ADARB2: variants seen among roughly 807,000 people sequenced by gnomAD.
The protein encoded by ADARB2 is adenosine deaminase RNA specific B2 (inactive), also known as inactive double-stranded RNA-specific editase B2.
ADARB2 carries 25 observed loss-of-function variants against 62.2 expected under a neutral mutation model. The observed-to-expected ratio is 0.40, with a 90% confidence interval of 0.29 to 0.56. The LOEUF is 0.56. Ranked by LOEUF, ADARB2 falls within the 20% of genes least tolerant of loss-of-function variation. The probability of loss-of-function intolerance (pLI) is 0.43; values close to 1 mark genes in which losing one functional copy is unlikely to be tolerated. For synonymous variants in ADARB2, 572 were observed against 500.8 expected (o/e 1.14, Z -1.90); for missense variants, 1,071 against 1,077.4 (o/e 0.99, Z 0.08).
At chr10:1,690,597 A>G (rs1279638192) in intron 1 of ADARB2, among the ~76,000 whole-genome samples, 11 of 152,066 alleles carry the variant, frequency 7.2e-5, no homozygotes, top group African/African-American at 2.7e-4. Context: ...GGAAGGAGAG[A>G]AAGGCAGATA....
chr10:1,655,654 C>G (rs1588340694), intron 1 of ADARB2, among the ~76,000 whole-genome samples: 2 of 151,228 alleles, frequency 1.3e-5, no homozygotes, highest in Admixed American at 1.3e-4. Context: ...TGGAAAACCA[C>G]ATTAGAAAAA....
intron 3 of ADARB2, among the ~76,000 whole-genome samples, chr10:1,277,313 C>T (rs184641744): frequency 4.9e-4 from 74 of 152,270 alleles, no homozygotes; most frequent in African/African-American, 1.7e-3. Flanking sequence ...TTAATGAATC[C>T]TGGAGCTGGT....
At chr10:1,670,256 G>C (rs570839696) in intron 1 of ADARB2, among the ~76,000 whole-genome samples, 10 of 152,338 alleles carry the variant, frequency 6.6e-5, no homozygotes. Context: ...TAAAGAGATA[G>C]TATTTGGAAG....
chr10:1,544,008 A>C (rs1832478539), intron 1 of ADARB2, among the ~76,000 whole-genome samples: 3 of 28,396 alleles, frequency 1.1e-4, no homozygotes, highest in Admixed American at 6.2e-4. Context: ...CAAAAAAAAA[A>C]AAAAACAAAC....
intron 3 of ADARB2, among the ~76,000 whole-genome samples, chr10:1,283,386 G>A (rs1452593502): frequency 2.6e-5 from 4 of 152,172 alleles, no homozygotes; most frequent in Non-Finnish European, 5.9e-5. Context: ...TAATTAAGGG[G>A]CTGCAATGAT....
At chr10:1,374,821 T>C (rs1760479592) in intron 2 of ADARB2, among the ~76,000 whole-genome samples, 1 of 152,210 alleles carries the variant, frequency 6.6e-6, no homozygotes, top group African/African-American at 2.4e-5. Context: ...CACGCTACAT[T>C]GGAAGAGATA....
intron 1 of ADARB2, among the ~76,000 whole-genome samples, chr10:1,575,947 G>A (rs184389646): frequency 1.5e-4 from 5 of 34,138 alleles, no homozygotes; most frequent in Non-Finnish European, 3.5e-4. Flanking sequence ...AGCACAAAGC[G>A]CATGGGAGGG....
At chr10:1,471,348 A>T (rs1831319708) in intron 1 of ADARB2, among the ~76,000 whole-genome samples, 1 of 151,678 alleles carries the variant, frequency 6.6e-6, no homozygotes, top group Admixed American at 6.6e-5. Flanking sequence ...CTTCAGTTTT[A>T]TTTGGTGGGG....
intron 1 of ADARB2, among the ~76,000 whole-genome samples, chr10:1,623,063 T>C (rs1420984596): frequency 6.6e-6 from 1 of 151,872 alleles, no homozygotes; most frequent in Non-Finnish European, 1.5e-5. Flanking sequence ...TGAGCAGGAG[T>C]TGGAAGGAAG....
intron 1 of ADARB2, among the ~76,000 whole-genome samples, chr10:1,469,052 C>A (rs565285991): frequency 6.6e-6 from 1 of 152,204 alleles, no homozygotes; most frequent in Non-Finnish European, 1.5e-5. Context: ...GCTACCCAGT[C>A]TGTTCAGATT....
At chr10:1,367,294 CTGTT>C (rs1832322270) in intron 2 of ADARB2, among the ~76,000 whole-genome samples, 1 of 152,216 alleles carries the variant, frequency 6.6e-6, no homozygotes, top group African/African-American at 2.4e-5. Context: ...AAAGTGCTCT[CTGTT>C]TGCTAAAATC....
At chr10:1,632,237 C>T (rs979559673) in intron 1 of ADARB2, among the ~76,000 whole-genome samples, 2 of 152,040 alleles carry the variant, frequency 1.3e-5, no homozygotes, top group African/African-American at 4.8e-5. Context: ...GGCATGTGCA[C>T]ATTACACACA....
intron 1 of ADARB2, among the ~76,000 whole-genome samples, chr10:1,429,762 T>C (rs1251394504): frequency 6.6e-6 from 1 of 152,236 alleles, no homozygotes; most frequent in African/African-American, 2.4e-5. Context: ...GGAATCCTGC[T>C]AAAGATTAGA....
intron 2 of ADARB2, among the ~76,000 whole-genome samples, chr10:1,367,689 T>C (rs950125958): frequency 1.3e-5 from 2 of 152,198 alleles, no homozygotes; most frequent in Admixed American, 1.3e-4. Flanking sequence ...CCAGATTGCA[T>C]AGAGATTTGC....
At chr10:1,599,773 C>T (rs1270249740) in intron 1 of ADARB2, among the ~76,000 whole-genome samples, 1 of 152,094 alleles carries the variant, frequency 6.6e-6, no homozygotes, top group Admixed American at 6.5e-5. Flanking sequence ...CAGGGTGCTG[C>T]TCTGTTGCCG....
intron 1 of ADARB2, among the ~76,000 whole-genome samples, chr10:1,525,855 G>A (rs772356276): frequency 2.2e-4 from 33 of 151,986 alleles, no homozygotes; most frequent in Non-Finnish European, 4.1e-4. Context: ...TTGTGTGTGT[G>A]CGCGTGTCTG....
chr10:1,527,015 C>T (rs1438279494), intron 1 of ADARB2: 1 of 247,938 alleles, frequency 4.0e-6, no homozygotes, highest in Non-Finnish European at 8.6e-6. Flanking sequence ...GAAACCACTC[C>T]AGCTTTTTGG....
At chr10:1,728,658 T>TG (rs1835195539) in intron 1 of ADARB2, among the ~76,000 whole-genome samples, 1 of 152,202 alleles carries the variant, frequency 6.6e-6, no homozygotes, top group South Asian at 2.1e-4. Flanking sequence ...GGTGATTACA[T>TG]AAAATTATAT....
intron 6 of ADARB2, among the ~76,000 whole-genome samples, chr10:1,221,831 AGGT>A (rs1830698538): frequency 6.6e-6 from 1 of 152,054 alleles, no homozygotes; most frequent in African/African-American, 2.4e-5. Flanking sequence ...TTGGACATTT[AGGT>A]TGGTTCCAAG....
Sources: gnomAD v4.1 joint callset for allele counts (sites outside exome capture counted in the v4.1 genomes callset) on GRCh38, gnomAD v4.1.1 for gene constraint, MANE v1.5 for transcripts, NCBI Gene and HGNC (gene_info 2026-07-23, HGNC 2026-07-21) for gene names.